ZNF248: variants seen among roughly 807,000 people sequenced by gnomAD.
ZNF248 encodes the protein zinc finger protein 248, also known as KRAB protein domain.
ZNF248 carries 20 observed loss-of-function variants against 44.3 expected under a neutral mutation model. That is an observed-to-expected ratio of 0.45 (90% CI 0.32 to 0.66). ZNF248 has a LOEUF of 0.66. Ranked by LOEUF, ZNF248 falls within the 30% of genes least tolerant of loss-of-function variation. The pLI is 0.04. For synonymous variants in ZNF248, 224 were observed against 229.0 expected (o/e 0.98, Z 0.20); for missense variants, 654 against 677.0 (o/e 0.97, Z 0.38).
intron 6 of ZNF248, among the ~76,000 whole-genome samples, chr10:37,798,921 A>C (rs1293110746): frequency 1.3e-5 from 2 of 152,170 alleles, no homozygotes; most frequent in African/African-American, 4.8e-5. Context: ...ACAGAAAAAT[A>C]AAAATAAATC....
At chr10:37,843,116 G>A (rs185030671) in intron 3 of ZNF248, among the ~76,000 whole-genome samples, 1 of 152,276 alleles carries the variant, frequency 6.6e-6, no homozygotes. Flanking sequence ...AGAGACTTCA[G>A]TGTCACATAT....
At chr10:37,792,521 A>C (rs978969258) in intron 6 of ZNF248, among the ~76,000 whole-genome samples, 3 of 152,202 alleles carry the variant, frequency 2.0e-5, no homozygotes, top group African/African-American at 7.2e-5. Context: ...CTTCCAAAAA[A>C]CAAGAGTATG....
At chr10:37,808,443 T>G (rs950002329) in intron 6 of ZNF248, among the ~76,000 whole-genome samples, 2 of 151,822 alleles carry the variant, frequency 1.3e-5, no homozygotes, top group African/African-American at 4.8e-5. Context: ...CCACCACACC[T>G]GGTTGATTTT....
the ZNF248 span, among the ~76,000 whole-genome samples, chr10:37,769,792 A>G: frequency 6.6e-6 from 1 of 152,088 alleles, no homozygotes; most frequent in Non-Finnish European, 1.5e-5. Flanking sequence ...GCAGGAGAAG[A>G]AAATAAAGGG....
At chr10:37,771,857 T>A (rs189322530), downstream of ZNF248, among the ~76,000 whole-genome samples, 293 of 152,302 alleles carry the variant, frequency 1.9e-3, 1 homozygote, top group Non-Finnish European at 3.5e-3. Flanking sequence ...AGTCAGCCAG[T>A]GGCTGACCAC....
At chr10:37,765,275 T>C in the ZNF248 span, among the ~76,000 whole-genome samples, 1 of 152,192 alleles carries the variant, frequency 6.6e-6, no homozygotes, top group East Asian at 1.9e-4. Context: ...GCTCTAATGA[T>C]ATAAATTCCT....
rs1283144151 is a variant in ZNF248, at chr10:37,811,951, GA to G, written c.330+21073del. Among the ~76,000 whole-genome samples, 13 of 151,244 alleles carry G rather than the reference GA, an allele frequency of 8.6e-5. No individual in the cohort carries two copies. The East Asian group carries it at 2.6e-3, about 30-fold the overall frequency. On this transcript the variant is annotated intron_variant, in intron 6 of 6. Transcript: ENST00000615949. ...CCCAGATGCCATTAAGAAAATCACT[GA>G]GGGTTTGGCGCAGTGGCTTACATCT... is the stretch of plus-strand genomic sequence containing the variant.
intron 6 of ZNF248, among the ~76,000 whole-genome samples, chr10:37,782,726 T>TA: frequency 6.6e-6 from 1 of 152,168 alleles, no homozygotes; most frequent in South Asian, 2.1e-4. Context: ...GTGATGTGTC[T>TA]ACAAGTCAAG....
chr10:37,819,119 A>G (rs1207807754), intron 6 of ZNF248: 1 of 785,704 alleles, frequency 1.3e-6, no homozygotes, highest in East Asian at 2.5e-5. Flanking sequence ...TGTACCATTT[A>G]CTAAAAGAAT....
intron 6 of ZNF248, among the ~76,000 whole-genome samples, chr10:37,777,686 TC>T (rs1564449445): frequency 1.6e-5 from 1 of 62,462 alleles, no homozygotes. Flanking sequence ...CCCTCCCCCC[TC>T]CCCCCACCCC....
chr10:37,810,560 T>A (rs1444232367), intron 6 of ZNF248, among the ~76,000 whole-genome samples: 1 of 152,070 alleles, frequency 6.6e-6, no homozygotes, highest in South Asian at 2.1e-4. Flanking sequence ...ATTGGAAAAG[T>A]TTTTGGAGAT....
intron 3 of ZNF248, among the ~76,000 whole-genome samples, chr10:37,843,535 A>C (rs949865386): frequency 2.0e-5 from 3 of 152,176 alleles, no homozygotes; most frequent in Non-Finnish European, 4.4e-5. Context: ...TCCAATAAAA[A>C]CGTAGAAGGT....
downstream of ZNF248, among the ~76,000 whole-genome samples, chr10:37,827,384 C>A (rs964782006): frequency 1.3e-5 from 2 of 152,290 alleles, no homozygotes; most frequent in Admixed American, 6.5e-5. Flanking sequence ...AAACCAATAA[C>A]AGAGAGTATT....
At chr10:37,814,823 T>C (rs965588422) in intron 6 of ZNF248, among the ~76,000 whole-genome samples, 5 of 152,234 alleles carry the variant, frequency 3.3e-5, no homozygotes, top group African/African-American at 1.2e-4. Flanking sequence ...CTCTAAAACT[T>C]TGTCTTTGGC....
intron 3 of ZNF248, among the ~76,000 whole-genome samples, chr10:37,849,120 G>A (rs115201073): frequency 6.6e-6 from 1 of 152,142 alleles, no homozygotes; most frequent in Admixed American, 6.5e-5. Flanking sequence ...AGCTTTCAGG[G>A]AGAAAGAAAG....
intron 6 of ZNF248, chr10:37,795,860 G>C (rs975884903): frequency 6.6e-6 from 1 of 152,118 alleles, no homozygotes; most frequent in African/African-American, 2.4e-5. Flanking sequence ...TCCACGTAAA[G>C]TCTTTTTATG....
At chr10:37,856,368 G>A (rs1292346504) in intron 2 of ZNF248, 31 bp from the exon 3 acceptor site, 7 of 1,611,394 alleles carry the variant, frequency 4.3e-6, no homozygotes, top group South Asian at 1.1e-5. Context: ...AATGTCAGGA[G>A]AGCCTTCGCC....
At chr10:37,835,697 TGAG>T in intron 5 of ZNF248, among the ~76,000 whole-genome samples, 1 of 152,128 alleles carries the variant, frequency 6.6e-6, no homozygotes, top group East Asian at 1.9e-4. Flanking sequence ...AGAAAGAAGA[TGAG>T]GAGGAGCAGC....
At chr10:37,819,277 C>A in intron 6 of ZNF248, 1 of 922,238 alleles carries the variant, frequency 1.1e-6, no homozygotes, top group East Asian at 2.4e-5. Context: ...GATCATTTCC[C>A]TCACAGTATT....
Sources: gnomAD v4.1 joint callset for allele counts (sites outside exome capture counted in the v4.1 genomes callset) on GRCh38, gnomAD v4.1.1 for gene constraint, MANE v1.5 for transcripts, NCBI Gene and HGNC (gene_info 2026-07-23, HGNC 2026-07-21) for gene names.